The following ULK4 variants were observed in gnomAD, a reference collection of about 807,000 sequenced individuals.
The protein encoded by ULK4 is inactive serine/threonine-protein kinase ULK4.
Under a neutral mutation model 160.6 loss-of-function variants are expected in ULK4, and 133 were observed. The ratio of observed to expected loss-of-function variants is 0.83; its 90% confidence interval spans 0.72 to 0.96. The LOEUF (loss-of-function observed/expected upper bound fraction) is 0.96, where lower values mean the gene tolerates loss of function less well. ULK4 is among the 40% of genes least tolerant of loss of function. The pLI is 0.00. For synonymous variants in ULK4, 534 were observed against 539.8 expected (o/e 0.99, Z 0.15); for missense variants, 1,580 against 1,499.5 (o/e 1.05, Z -0.89).
At chr3:41,321,091 T>C (rs2080236567) in intron 35 of ULK4, among the ~76,000 whole-genome samples, 1 of 151,976 alleles carries the variant, frequency 6.6e-6, no homozygotes, top group Non-Finnish European at 1.5e-5. Flanking sequence ...CCCTTTATAA[T>C]GCAACGAACT....
At chr3:41,508,460 C>G (rs1158514579) in intron 32 of ULK4, among the ~76,000 whole-genome samples, 1 of 152,132 alleles carries the variant, frequency 6.6e-6, no homozygotes, top group Non-Finnish European at 1.5e-5. Flanking sequence ...AAATTTGCAT[C>G]CTCCCTATAG....
At chr3:41,712,822 G>A (rs1157518186) in intron 25 of ULK4, among the ~76,000 whole-genome samples, 2 of 152,078 alleles carry the variant, frequency 1.3e-5, no homozygotes, top group East Asian at 1.9e-4. Flanking sequence ...CGCCTGGGAG[G>A]CGGAGGTTGC....
At chr3:41,952,170 A>G (rs1181125114) in intron 2 of ULK4, among the ~76,000 whole-genome samples, 2 of 152,188 alleles carry the variant, frequency 1.3e-5, no homozygotes, top group Non-Finnish European at 2.9e-5. Flanking sequence ...GTAAGACACC[A>G]AAGACACAGA....
chr3:41,663,577 A>C, intron 30 of ULK4, 30 bp downstream of exon 30: 1 of 1,577,326 alleles, frequency 6.3e-7, no homozygotes, highest in Non-Finnish European at 8.7e-7. Flanking sequence ...TAGGTGAGAC[A>C]CAAGAAAAAG....
chr3:41,305,911 G>A lies in ULK4; in HGVS notation c.3679-56337C>T, dbSNP rs1407937890. ...GTGAGGAGCACCTCTGCCCGGCTGC[G>A]ACCCCGTCTGGGAGGTGAGGAGCAT... On this transcript the variant is annotated intron_variant, in intron 35 of 36. Coordinates refer to ENST00000301831, the MANE Select transcript of ULK4 (RefSeq NM_017886.4). Among the ~76,000 whole-genome samples, 105 of 128,272 alleles carry A rather than the reference G, an allele frequency of 8.2e-4. No homozygotes were observed. The East Asian group carries it at 0.011, about 13-fold the overall frequency. The allele number at this position is 128,272 out of a possible 152,430, so 84.2% of individuals were successfully genotyped here.
chr3:41,898,589 AC>A, intron 13 of ULK4, 97 bp from the exon 14 acceptor site: 1 of 730,836 alleles, frequency 1.4e-6, no homozygotes, highest in South Asian at 2.2e-5. Flanking sequence ...ATCAATGAGG[AC>A]AAAAAAAGAA....
intron 34 of ULK4, among the ~76,000 whole-genome samples, chr3:41,409,512 T>C (rs1410271159): frequency 6.6e-6 from 1 of 152,218 alleles, no homozygotes; most frequent in Non-Finnish European, 1.5e-5. Context: ...ACATGATATA[T>C]AATATTTCTT....
At chr3:41,609,100 T>C (rs900694768) in intron 31 of ULK4, among the ~76,000 whole-genome samples, 2 of 152,174 alleles carry the variant, frequency 1.3e-5, no homozygotes, top group East Asian at 1.9e-4. Context: ...ATTCTTAATA[T>C]GTAACCTGTA....
At chr3:41,400,473 A>G (rs1025525063) in intron 34 of ULK4, among the ~76,000 whole-genome samples, 1 of 152,174 alleles carries the variant, frequency 6.6e-6, no homozygotes, top group African/African-American at 2.4e-5. Flanking sequence ...ACTCAGCATA[A>G]TTTCTTTAAA....
At chr3:41,419,881 G>C (rs939307253) in intron 34 of ULK4, among the ~76,000 whole-genome samples, 4 of 151,666 alleles carry the variant, frequency 2.6e-5, no homozygotes, top group African/African-American at 9.7e-5. Flanking sequence ...GGTTTCTGTG[G>C]GGAAGCCACT....
intron 35 of ULK4, among the ~76,000 whole-genome samples, chr3:41,339,602 G>A (rs1469077083): frequency 1.3e-5 from 2 of 152,148 alleles, no homozygotes; most frequent in Admixed American, 6.5e-5. Flanking sequence ...TGCTTGTGAA[G>A]ACAGAGTTCC....
intron 32 of ULK4, among the ~76,000 whole-genome samples, chr3:41,563,501 A>G (rs1003091291): frequency 1.3e-5 from 2 of 152,140 alleles, no homozygotes; most frequent in Non-Finnish European, 2.9e-5. Flanking sequence ...ACACCAATCA[A>G]AAGTAGATTT....
intron 32 of ULK4, among the ~76,000 whole-genome samples, chr3:41,524,653 G>C (rs1226314229): frequency 6.6e-6 from 1 of 152,038 alleles, no homozygotes; most frequent in African/African-American, 2.4e-5. Context: ...GAAAGGAAGA[G>C]GGGCAGCCGG....
intron 11 of ULK4, among the ~76,000 whole-genome samples, chr3:41,909,040 C>T (rs142677174): frequency 0.13 from 18,402 of 142,406 alleles, 1,285 homozygotes; most frequent in Middle Eastern, 0.29. Flanking sequence ...TTGCAGTGAG[C>T]CAAGTTCAAG....
At chr3:41,401,400 T>C (rs537664321) in intron 34 of ULK4, among the ~76,000 whole-genome samples, 2 of 152,302 alleles carry the variant, frequency 1.3e-5, no homozygotes, top group East Asian at 3.9e-4. Context: ...AAGGCTATTG[T>C]TGTCCTATGG....
At chr3:41,332,230 C>T (rs1405938913) in intron 35 of ULK4, among the ~76,000 whole-genome samples, 1 of 151,002 alleles carries the variant, frequency 6.6e-6, no homozygotes, top group African/African-American at 2.4e-5. Flanking sequence ...AAAAAACAAA[C>T]CAAGAAACCT....
chr3:41,559,205 C>T (rs2087454568), intron 32 of ULK4, among the ~76,000 whole-genome samples: 2 of 142,758 alleles, frequency 1.4e-5, no homozygotes, highest in Admixed American at 1.5e-4. Context: ...AGGACACGAA[C>T]TCATCCTTTT....
chr3:41,705,442 T>A (rs942612040), intron 25 of ULK4, 137 bp from the exon 26 acceptor site: 1 of 457,252 alleles, frequency 2.2e-6, no homozygotes, highest in Non-Finnish European at 3.8e-6. Context: ...CTATACATAT[T>A]ATATTATTAT....
intron 13 of ULK4, among the ~76,000 whole-genome samples, chr3:41,900,441 C>T (rs1698311365): frequency 6.6e-6 from 1 of 152,122 alleles, no homozygotes; most frequent in Non-Finnish European, 1.5e-5. Flanking sequence ...GCTGGCAACC[C>T]CTCCATGGCA....
Sources: allele counts gnomAD v4.1 joint callset (sites outside exome capture counted in the v4.1 genomes callset), GRCh38; gene constraint gnomAD v4.1.1; transcripts MANE v1.5; gene names NCBI Gene and HGNC (gene_info 2026-07-23, HGNC 2026-07-21).